Variants in EGFR observed in about 807,000 individuals in gnomAD.
The protein encoded by EGFR is epidermal growth factor receptor, also known as avian erythroblastic leukemia viral (v-erb-b) oncogene homolog.
EGFR carries 58 observed loss-of-function variants against 143.0 expected under a neutral mutation model. The observed-to-expected ratio is 0.41, with a 90% CI of 0.33 to 0.50. EGFR has a LOEUF of 0.50. EGFR is among the 20% of genes least tolerant of loss of function. The pLI, the probability that EGFR is intolerant of heterozygous loss-of-function variation, is 0.39. For missense variants in EGFR, 1,307 were observed against 1,579.0 expected, an observed-to-expected ratio of 0.83 and a Z score of 2.92; for synonymous variants, 613 against 594.4, an observed-to-expected ratio of 1.03 and a Z score of -0.45.
At chr7:55,074,466 C>G (rs540179072) in intron 1 of EGFR, among the ~76,000 whole-genome samples, 1 of 152,334 alleles carries the variant, frequency 6.6e-6, no homozygotes, top group Non-Finnish European at 1.5e-5. Flanking sequence ...AAAACAGAAA[C>G]AGAAAGTGTA....
chr7:55,119,210 T>C (rs1253540323), intron 1 of EGFR: 1 of 152,210 alleles, frequency 6.6e-6, no homozygotes, highest in Non-Finnish European at 1.5e-5. Context: ...TCCTAATGAA[T>C]TGAGTACCTA....
intron 26 of EGFR, 104 bp downstream of exon 26, chr7:55,201,886 G>C: frequency 7.1e-7 from 1 of 1,410,678 alleles, no homozygotes; most frequent in South Asian, 1.2e-5. Flanking sequence ...AGATAATCTT[G>C]AGTTTTCTTC....
intron 1 of EGFR, among the ~76,000 whole-genome samples, chr7:55,098,311 G>A (rs2128899276): frequency 6.6e-6 from 1 of 152,286 alleles, no homozygotes; most frequent in South Asian, 2.1e-4. Context: ...ATGGGGCTAG[G>A]GGGACTGGGG....
chr7:55,171,832 T>A (rs532853306), intron 16 of EGFR, among the ~76,000 whole-genome samples: 2 of 152,238 alleles, frequency 1.3e-5, no homozygotes, highest in South Asian at 4.1e-4. Flanking sequence ...ACCGAGCACC[T>A]GTTTGCCATT....
intron 1 of EGFR, among the ~76,000 whole-genome samples, chr7:55,139,526 AG>A (rs1265416719): frequency 6.6e-6 from 1 of 152,216 alleles, no homozygotes; most frequent in Non-Finnish European, 1.5e-5. Context: ...GGTATGTGAC[AG>A]GGGAAAGCCT....
intron 1 of EGFR, among the ~76,000 whole-genome samples, chr7:55,101,826 C>T (rs1156361498): frequency 6.6e-6 from 1 of 152,200 alleles, no homozygotes; most frequent in Admixed American, 6.5e-5. Flanking sequence ...CAGTTCTCCA[C>T]AGCATACTGT....
intron 1 of EGFR, among the ~76,000 whole-genome samples, chr7:55,141,418 G>T (rs1794450639): frequency 6.6e-6 from 1 of 152,058 alleles, no homozygotes; most frequent in Non-Finnish European, 1.5e-5. Flanking sequence ...TAAGTTTGAT[G>T]CCTTGAAACA....
At chr7:55,094,270 GGT>G (rs1791305478) in intron 1 of EGFR, among the ~76,000 whole-genome samples, 1 of 152,200 alleles carries the variant, frequency 6.6e-6, no homozygotes. Flanking sequence ...GATAGCTCTT[GGT>G]CTGTCATCCA....
intron 20 of EGFR, among the ~76,000 whole-genome samples, chr7:55,190,263 T>C (rs1787329361): frequency 6.6e-6 from 1 of 151,986 alleles, no homozygotes; most frequent in African/African-American, 2.4e-5. Context: ...CGGAAACCCG[T>C]AGGAGCGCTC....
In EGFR at chr7:55,154,153, G is replaced by A. The variant is rs2128935198; in HGVS notation, c.889+1G>A. 6 of 1,614,196 alleles carry A rather than the reference G, an allele frequency of 3.7e-6. No homozygotes were observed. Among genetic ancestry groups the A allele is most frequent in the East Asian group, 2.2e-5 (1 of 44,884 alleles). The stretch of plus-strand genomic sequence containing the variant: ...GCCACCTGCGTGAAGAAGTGTCCCC[G>A]TGAGTCCTCCTCTGTGGGCCCTCTA... On this transcript the variant is annotated splice_donor_variant, in intron 7 of 27. Transcript: ENST00000275493. LOFTEE classifies it high-confidence loss of function.
At chr7:55,031,396 G>A (rs1384266125) in intron 1 of EGFR, among the ~76,000 whole-genome samples, 1 of 152,222 alleles carries the variant, frequency 6.6e-6, no homozygotes, top group African/African-American at 2.4e-5. Flanking sequence ...AGAACAGAAA[G>A]TTCAGCAATT....
chr7:55,166,088 T>C (rs942264103), intron 15 of EGFR, among the ~76,000 whole-genome samples: 2 of 151,954 alleles, frequency 1.3e-5, no homozygotes, highest in East Asian at 1.9e-4. Context: ...GAGGCAGAGG[T>C]TGCAGTGAGC....
At position 55,130,452 on chromosome 7, in the gene EGFR, C is replaced by CA. The variant is rs1793766340; in HGVS notation, c.89-11832dup. Among the ~76,000 whole-genome samples, 3 of 152,196 alleles carry CA rather than the reference C, an allele frequency of 2.0e-5. No individual in the cohort carries two copies. The South Asian group carries it at 6.2e-4, about 32-fold the overall frequency. On this transcript the variant is annotated intron_variant, in intron 1 of 27. Transcript: ENST00000275493. ...GATTTTTGAGTCAGTTTTTCCTTGTCAACGACCCCAGGAATGAGTTTGGGA... is the reference window on the plus strand; with the variant it reads ...GATTTTTGAGTCAGTTTTTCCTTGTCAAACGACCCCAGGAATGAGTTTGGGA...
At chr7:55,198,587 T>C (rs548150423) in intron 22 of EGFR, 130 bp from the exon 23 acceptor site, 4 of 1,418,866 alleles carry the variant, frequency 2.8e-6, no homozygotes, top group East Asian at 4.6e-5. Flanking sequence ...TTGAAGCAAA[T>C]TGCCCAAGAC....
rs2128958555 is a variant in EGFR at position 55,181,341 on chromosome 7, C to T, written c.2332C>T (p.Leu778=). ...GGACAACCCCCACGTGTGCCGCCTGCTGGGCATCTGCCTCACCTCCACCGT... is the reference window on the plus strand; with the variant it reads ...GGACAACCCCCACGTGTGCCGCCTGTTGGGCATCTGCCTCACCTCCACCGT... ...SVDNPHVCRL[L]GICLTSTVQL... is the part of the protein sequence containing the mutation. Residue 778 remains leucine, a synonymous_variant, in exon 20 of 28, where the codon CTG becomes TTG. Transcript: ENST00000275493. 6.2e-7 allele frequency: 1 copy of T among 1,614,220 alleles called. No individual in the cohort carries two copies. The highest frequency in any genetic ancestry group is 8.5e-7 in the Non-Finnish European group (1 of 1,180,050).
intron 1 of EGFR, among the ~76,000 whole-genome samples, chr7:55,066,671 G>C (rs1318447292): frequency 6.6e-6 from 1 of 152,172 alleles, no homozygotes; most frequent in African/African-American, 2.4e-5. Flanking sequence ...CACCGTGCTG[G>C]GGTGGGGTGG....
intron 1 of EGFR, among the ~76,000 whole-genome samples, chr7:55,116,070 C>T (rs1224753614): frequency 1.3e-5 from 2 of 152,188 alleles, no homozygotes; most frequent in Non-Finnish European, 2.9e-5. Flanking sequence ...CTGTTACAAC[C>T]TTACTCATTT....
intron 1 of EGFR, chr7:55,119,178 C>T (rs1793052410): frequency 6.6e-6 from 1 of 152,188 alleles, no homozygotes; most frequent in South Asian, 2.1e-4. Flanking sequence ...TCAATAACTA[C>T]AGGCCTTTTG....
In EGFR at chr7:55,198,742, C is replaced by T. The variant is rs747305344; in HGVS notation, c.2727C>T (p.Thr909=). Residue 909 remains threonine (T), a synonymous_variant, in exon 23 of 28, where the codon ACC becomes ACT. Transcript: ENST00000275493. Reference sequence around the variant, plus strand: ...GGGTGACTGTTTGGGAGTTGATGACCTTTGGATCCAAGCCATATGACGGAA... The same window carrying T: ...GGGTGACTGTTTGGGAGTTGATGACTTTTGGATCCAAGCCATATGACGGAA... ...SYGVTVWELM[T]FGSKPYDGIP... is the part of the protein sequence containing the mutation. The T allele has an allele frequency of 6.2e-7, 1 of 1,614,194 alleles. No individual in the cohort carries two copies. Among genetic ancestry groups the T allele is most frequent in the East Asian group, 2.2e-5 (1 of 44,888 alleles).
Sources: gnomAD v4.1 joint callset for allele counts (sites outside exome capture counted in the v4.1 genomes callset) on GRCh38, gnomAD v4.1.1 for gene constraint, MANE v1.5 for transcripts, NCBI Gene and HGNC (gene_info 2026-07-23, HGNC 2026-07-21) for gene names.